Variants in CDH23 observed in about 807,000 individuals in gnomAD.
CDH23 encodes the protein cadherin-23.
In CDH23, 189 loss-of-function variants were observed where a neutral mutation model predicts 317.1. The observed-to-expected ratio is 0.60, with a 90% CI of 0.53 to 0.67. CDH23 has a LOEUF of 0.67. Ranked by LOEUF, CDH23 falls within the 30% of genes least tolerant of loss-of-function variation. The pLI is 0.00. For missense variants in CDH23, 4,401 were observed against 4,592.4 expected (o/e 0.96, Z 1.20); for synonymous variants, 1,839 against 1,876.8 (o/e 0.98, Z 0.52).
chr10:71,459,085 C>CTTTTTTTTTTTT (rs372627407), intron 3 of CDH23, among the ~76,000 whole-genome samples: 6 of 102,600 alleles, frequency 5.8e-5, no homozygotes, highest in South Asian at 3.8e-4. Flanking sequence ...CACACCTGGC[C>CTTTTTTTTTTTT]TTTTTTTTTT....
intron 2 of CDH23, among the ~76,000 whole-genome samples, chr10:71,443,946 T>A (rs946874): frequency 1.3e-5 from 2 of 152,390 alleles, no homozygotes; most frequent in South Asian, 2.1e-4. Context: ...GAGCTCCCAG[T>A]GACTGATTAG....
chr10:71,795,325 A>C, intron 48 of CDH23, among the ~76,000 whole-genome samples: 1 of 152,112 alleles, frequency 6.6e-6, no homozygotes, highest in Non-Finnish European at 1.5e-5. Flanking sequence ...GAAACAGAAG[A>C]AGGAAAAACC....
At position 71,659,573 on chromosome 10, in the gene CDH23, C is replaced by T. The variant is rs77084130; in HGVS notation, c.1449+12956C>T. On this transcript the variant is annotated intron_variant, in intron 14 of 69. Transcript: ENST00000224721. ...AAGTTCCATATGCCTGTCATAAAAA[C>T]GACATTTAACTTCATGACCCAGGAC... Among the ~76,000 whole-genome samples the T allele has an allele frequency of 8.7e-3, 1,328 of 152,272 alleles. 28 individuals carry two copies. The highest frequency in any genetic ancestry group is 0.042 in the East Asian group (219 of 5,188).
intron 47 of CDH23, 41 bp downstream of exon 47, chr10:71,791,376 C>A: frequency 1.3e-6 from 2 of 1,564,358 alleles, no homozygotes; most frequent in Non-Finnish European, 1.7e-6. Flanking sequence ...AACCAGGGGC[C>A]GGTTGGTGGT....
intron 27 of CDH23, among the ~76,000 whole-genome samples, chr10:71,709,844 C>T (rs1159639410): frequency 6.6e-6 from 1 of 152,070 alleles, no homozygotes; most frequent in Non-Finnish European, 1.5e-5. Flanking sequence ...TTTAATGGGA[C>T]TTACAGTTCC....
chr10:71,517,780 C>A (rs886264514), intron 6 of CDH23, among the ~76,000 whole-genome samples: 7 of 152,224 alleles, frequency 4.6e-5, no homozygotes, highest in Non-Finnish European at 1.0e-4. Flanking sequence ...ATCGCAGGGG[C>A]TCTGGACTCC....
intron 3 of CDH23, among the ~76,000 whole-genome samples, chr10:71,509,130 G>A (rs1348711633): frequency 1.3e-5 from 2 of 152,216 alleles, no homozygotes; most frequent in African/African-American, 2.4e-5. Flanking sequence ...CCTTCTTGAG[G>A]ATGGGAACTA....
chr10:71,662,579 G>A (rs1564717315), intron 14 of CDH23, among the ~76,000 whole-genome samples: 2 of 152,120 alleles, frequency 1.3e-5, no homozygotes, highest in African/African-American at 2.4e-5. Context: ...GACTGTCTTT[G>A]CCCCCTTCTC....
chr10:71,737,089 G>T (rs1839587756), intron 34 of CDH23, among the ~76,000 whole-genome samples: 1 of 152,160 alleles, frequency 6.6e-6, no homozygotes. Context: ...AAGGACCCTT[G>T]TCTGTTTTCA....
At chr10:71,786,859 G>A (rs1420169798) in intron 44 of CDH23, among the ~76,000 whole-genome samples, 1 of 151,640 alleles carries the variant, frequency 6.6e-6, no homozygotes, top group Non-Finnish European at 1.5e-5. Flanking sequence ...CCTCTCCCTT[G>A]CCTGGCTTCA....
intron 1 of CDH23, among the ~76,000 whole-genome samples, chr10:71,410,215 T>C (rs938321813): frequency 5.3e-5 from 8 of 152,258 alleles, no homozygotes; most frequent in African/African-American, 1.7e-4. Flanking sequence ...ATAGTAAATG[T>C]TCAACAAATG....
intron 11 of CDH23, among the ~76,000 whole-genome samples, chr10:71,641,630 A>T (rs79038768): frequency 0.021 from 3,167 of 152,314 alleles, 109 homozygotes; most frequent in African/African-American, 0.072. Flanking sequence ...ACCCAGGCCT[A>T]CAGAATCAGG....
chr10:71,782,978 G>A (rs922607868), intron 41 of CDH23, among the ~76,000 whole-genome samples: 1 of 152,166 alleles, frequency 6.6e-6, no homozygotes, highest in Non-Finnish European at 1.5e-5. Flanking sequence ...AGGATGTGAA[G>A]AGACAGGCAG....
rs114968883 is a variant in CDH23, at chr10:71,510,499, C to G, written c.288+275C>G. On this transcript the variant is annotated intron_variant, in intron 4 of 69. Transcript: ENST00000224721. Reference sequence around the variant, plus strand: ...CTGTGTTCATCCCTTGTAGAATGGCCCTCCATGGAGGGTACAAGTCTACCC... The same window carrying G: ...CTGTGTTCATCCCTTGTAGAATGGCGCTCCATGGAGGGTACAAGTCTACCC... Among the ~76,000 whole-genome samples the G allele has an allele frequency of 0.021, 3,227 of 152,100 alleles. 98 individuals are homozygous for G. The highest frequency in any genetic ancestry group is 0.066 in the African/African-American group (2,749 of 41,462).
At chr10:71,455,365 C>G (rs1443770101) in intron 3 of CDH23, among the ~76,000 whole-genome samples, 1 of 149,546 alleles carries the variant, frequency 6.7e-6, no homozygotes, top group African/African-American at 2.5e-5. Context: ...TTTTTTTTTT[C>G]TGCAATTAAG....
At chr10:71,440,510 A>C (rs558657294) in intron 2 of CDH23, among the ~76,000 whole-genome samples, 1 of 152,346 alleles carries the variant, frequency 6.6e-6, no homozygotes, top group South Asian at 2.1e-4. Context: ...GTGAAGACCA[A>C]GAAGTAGTTT....
At position 71,502,850 on chromosome 10, in the gene CDH23, T is replaced by A. The variant is rs552657044; in HGVS notation, c.146-7232T>A. ...GCTTATTCACCCCTCCGTGTTTTGGTAACAAATATTGCTTTCATCCTTCTC... is the reference window on the plus strand; with the variant it reads ...GCTTATTCACCCCTCCGTGTTTTGGAAACAAATATTGCTTTCATCCTTCTC... On this transcript the variant is annotated intron_variant, in intron 3 of 69. Transcript: ENST00000224721. 2.6e-5 allele frequency among the ~76,000 whole-genome samples: 4 copies of A among 152,242 alleles called. No homozygotes were observed. The East Asian group carries it at 7.7e-4, about 29-fold the overall frequency.
At chr10:71,684,565 C>T (rs1278770624) in intron 18 of CDH23, among the ~76,000 whole-genome samples, 3 of 152,230 alleles carry the variant, frequency 2.0e-5, no homozygotes, top group African/African-American at 7.2e-5. Flanking sequence ...GAAACAACTT[C>T]CTCATCTGCA....
At chr10:71,518,090 T>C (rs1854445177) in intron 6 of CDH23, among the ~76,000 whole-genome samples, 1 of 152,106 alleles carries the variant, frequency 6.6e-6, no homozygotes, top group Non-Finnish European at 1.5e-5. Context: ...TGTGTGTGTG[T>C]TCTTATTTAA....
Sources: allele counts gnomAD v4.1 joint callset (sites outside exome capture counted in the v4.1 genomes callset), GRCh38; gene constraint gnomAD v4.1.1; transcripts MANE v1.5; gene names NCBI Gene and HGNC (gene_info 2026-07-23, HGNC 2026-07-21).